Variants in CA8 observed in about 807,000 individuals in gnomAD.
CA8 encodes the protein carbonic anhydrase 8 (inactive).
Under a neutral mutation model 41.4 loss-of-function variants are expected in CA8, and 22 were observed. The ratio of observed to expected loss-of-function variants is 0.53; its 90% CI spans 0.38 to 0.76. CA8 has a LOEUF of 0.76. CA8 is among the 30% of genes least tolerant of loss of function. CA8 has a pLI of 0.00. For missense variants in CA8, 270 were observed against 352.8 expected, an observed-to-expected ratio of 0.77 and a Z score of 1.88; for synonymous variants, 121 against 130.6, an observed-to-expected ratio of 0.93 and a Z score of 0.50.
intron 1 of CA8, among the ~76,000 whole-genome samples, 176 bp from the exon 2 acceptor site, chr8:60,280,056 C>T (rs1242897745): frequency 6.6e-6 from 1 of 152,038 alleles, no homozygotes; most frequent in Non-Finnish European, 1.5e-5. Flanking sequence ...TTTGAATGAT[C>T]TGTTATTATC....
chr8:60,220,488 T>C (rs1011619111), intron 7 of CA8, among the ~76,000 whole-genome samples: 6 of 152,182 alleles, frequency 3.9e-5, no homozygotes, highest in Non-Finnish European at 7.3e-5. Context: ...CTGTAGTTAT[T>C]TGATGCTTGG....
intron 7 of CA8, among the ~76,000 whole-genome samples, chr8:60,212,434 T>A (rs375049468): frequency 6.6e-5 from 10 of 152,366 alleles, no homozygotes; most frequent in South Asian, 4.1e-4. Context: ...TGGACATTTA[T>A]GTGGTTTCCC....
intron 7 of CA8, among the ~76,000 whole-genome samples, chr8:60,216,828 T>C (rs1029017298): frequency 6.6e-6 from 1 of 152,196 alleles, no homozygotes; most frequent in African/African-American, 2.4e-5. Context: ...AATGGGAATG[T>C]TGGGCACTCA....
At chr8:60,269,708 T>C (rs1234930755) in intron 2 of CA8, among the ~76,000 whole-genome samples, 1 of 152,160 alleles carries the variant, frequency 6.6e-6, no homozygotes, top group Non-Finnish European at 1.5e-5. Flanking sequence ...CAAAGCTAAG[T>C]TTTGAGATCA....
intron 4 of CA8, among the ~76,000 whole-genome samples, chr8:60,231,683 G>T (rs183028223): frequency 1.3e-5 from 2 of 152,060 alleles, no homozygotes; most frequent in Admixed American, 6.5e-5. Context: ...TAGAAGATTC[G>T]CCTTAAAAAC....
At chr8:60,197,537 G>T (rs1266687037) in intron 8 of CA8, among the ~76,000 whole-genome samples, 1 of 152,138 alleles carries the variant, frequency 6.6e-6, no homozygotes, top group African/African-American at 2.4e-5. Flanking sequence ...GATGAAACAA[G>T]AGACAGTTAT....
chr8:60,242,580 G>A (rs112426117), intron 3 of CA8, among the ~76,000 whole-genome samples: 5 of 152,238 alleles, frequency 3.3e-5, no homozygotes, highest in African/African-American at 1.2e-4. Context: ...GGAAAGGAAG[G>A]GAGAATGTGT....
At chr8:60,195,615 A>G (rs1455677591) in intron 8 of CA8, among the ~76,000 whole-genome samples, 1 of 152,164 alleles carries the variant, frequency 6.6e-6, no homozygotes, top group Non-Finnish European at 1.5e-5. Context: ...CTAGTGGAAC[A>G]CTTCCTCAGG....
At position 60,279,831 on chromosome 8, in the gene CA8, A is replaced by T; in HGVS notation, c.150T>A (p.Ser50=). Residue 50 remains serine, a synonymous_variant, in exon 2 of 9, where the codon TCT becomes TCA. Transcript: ENST00000317995. ...CCTCTCTTGAGTTTAGGTTAATAGGAGACTGGTATTCCCCATTAGCATCAG... is the reference window on the plus strand; with the variant it reads ...CCTCTCTTGAGTTTAGGTTAATAGGTGACTGGTATTCCCCATTAGCATCAG... ...VFPDANGEYQ[S]PINLNSREAR... is the part of the protein sequence containing the mutation. The T allele has an allele frequency of 6.2e-7, 1 of 1,613,932 alleles. No individual in the cohort carries two copies. Among genetic ancestry groups the T allele is most frequent in the Non-Finnish European group, 8.5e-7 (1 of 1,179,936 alleles).
At position 60,232,301 on chromosome 8, in the gene CA8, T is replaced by C. The variant is rs1380254442; in HGVS notation, c.496A>G (p.Ile166Val). 1 of 1,613,070 alleles carries C rather than the reference T, an allele frequency of 6.2e-7. No homozygotes were observed. Among genetic ancestry groups the C allele is most frequent in the African/African-American group, 1.3e-5 (1 of 75,026 alleles). ...AVGKPHGIAI[I>V]ALFVQIGKEH... ...CCGTTTACCTGAACAAACAGAGCAATGATGGCGATTCCGTGCGGCTTCCCC... is the reference window on the plus strand; with the variant it reads ...CCGTTTACCTGAACAAACAGAGCAACGATGGCGATTCCGTGCGGCTTCCCC... Residue 166 changes from isoleucine (I) to valine (V), a missense_variant, in exon 4 of 9, where the codon ATT becomes GTT. Ile to Val is a conservative substitution (Grantham distance 29, BLOSUM62 3). Coordinates refer to ENST00000317995, the MANE Select transcript of CA8 (RefSeq NM_004056.6).
chr8:60,253,236 A>G (rs1357368413), intron 3 of CA8, among the ~76,000 whole-genome samples: 1 of 152,148 alleles, frequency 6.6e-6, no homozygotes, highest in Non-Finnish European at 1.5e-5. Flanking sequence ...CCCTATCTCA[A>G]AAAAATAAAT....
rs895770785 is a variant in CA8 at position 60,216,742 on chromosome 8, G to A, written c.738+5907C>T. On this transcript the variant is annotated intron_variant, in intron 7 of 8. Coordinates refer to ENST00000317995, the MANE Select transcript of CA8 (RefSeq NM_004056.6). ...ATATTGTATCATATCTACAGGATCC[G>A]TTAACATTCTCAATATAGTTCAGCA... Among the ~76,000 whole-genome samples, 5 of 152,274 alleles carry A rather than the reference G, an allele frequency of 3.3e-5. No homozygotes were observed. The South Asian group carries it at 6.2e-4, about 19-fold the overall frequency.
Position 60,232,327 on chromosome 8 carries a change from A to C in CA8, c.470T>G (p.Val157Gly), listed in dbSNP as rs1299237427. 1 of 1,614,134 alleles carries C rather than the reference A, an allele frequency of 6.2e-7. No homozygotes were observed. The highest frequency in any genetic ancestry group is 8.5e-7 in the Non-Finnish European group (1 of 1,179,958). The change falls in exon 4 of 9, where the codon GTG becomes GGG. Residue 157 changes from valine (V) to glycine (G), a missense_variant. Coordinates refer to ENST00000317995, the MANE Select transcript of CA8 (RefSeq NM_004056.6). The part of the protein sequence containing the change: ...STLFGSIDEA[V>G]GKPHGIAIIA... ...GATGGCGATTCCGTGCGGCTTCCCC[A>C]CAGCCTCATCAATGCTGCCAAACAG...
rs1806050848 is a variant in CA8, at chr8:60,189,438, T to C, written c.*583A>G. 6.6e-6 allele frequency: 1 copy of C among 152,096 alleles called. No individual in the cohort carries two copies. Among genetic ancestry groups the C allele is most frequent in the East Asian group, 1.9e-4 (1 of 5,194 alleles). The allele number at this position is 152,096 out of a possible 1,614,324, so 9.4% of individuals were successfully genotyped here. On this transcript the variant is annotated 3_prime_UTR_variant, in exon 9 of 9. Coordinates refer to ENST00000317995, the MANE Select transcript of CA8 (RefSeq NM_004056.6). ...ATGTTGCTGCATTAATGCCAAAAAATGTTTCCCATGGCAATCCAGCCTAAT... is the reference window on the plus strand; with the variant it reads ...ATGTTGCTGCATTAATGCCAAAAAACGTTTCCCATGGCAATCCAGCCTAAT...
intron 6 of CA8, 82 bp downstream of exon 6, chr8:60,224,455 T>C: frequency 2.4e-6 from 2 of 838,334 alleles, no homozygotes; most frequent in Non-Finnish European, 2.0e-6. Context: ...ATTAACAATA[T>C]ATAGTTTTAC....
chr8:60,240,503 G>C (rs557304588), intron 3 of CA8, among the ~76,000 whole-genome samples: 57 of 152,300 alleles, frequency 3.7e-4, no homozygotes, highest in African/African-American at 1.4e-3. Context: ...TAAAACTGGA[G>C]AGAAATAACA....
chr8:60,216,461 A>G (rs1348374218), intron 7 of CA8, among the ~76,000 whole-genome samples: 1 of 152,216 alleles, frequency 6.6e-6, no homozygotes, highest in East Asian at 1.9e-4. Context: ...GCTAATTGAA[A>G]AGTCATCTAT....
chr8:60,265,341 A>G (rs1003505338), intron 3 of CA8: 3 of 156,500 alleles, frequency 1.9e-5, no homozygotes, highest in Non-Finnish European at 2.8e-5. Context: ...AATTCTGCCT[A>G]GGGAAAAAAC....
chr8:60,257,258 G>A (rs968187444), intron 3 of CA8, among the ~76,000 whole-genome samples: 2 of 152,120 alleles, frequency 1.3e-5, no homozygotes, highest in Admixed American at 1.3e-4. Flanking sequence ...GATTAAAAGC[G>A]TGAGCCACTG....
Sources: gnomAD v4.1 joint callset for allele counts (sites outside exome capture counted in the v4.1 genomes callset) on GRCh38, gnomAD v4.1.1 for gene constraint, MANE v1.5 for transcripts, NCBI Gene and HGNC (gene_info 2026-07-23, HGNC 2026-07-21) for gene names.